Variants in DIS3L2 observed in about 807,000 individuals in gnomAD.
DIS3L2 encodes the protein DIS3 like 3'-5' exoribonuclease 2.
DIS3L2 carries 34 observed loss-of-function variants against 97.5 expected under a neutral mutation model. The ratio of observed to expected loss-of-function variants is 0.35; its 90% confidence interval spans 0.27 to 0.46. The LOEUF (loss-of-function observed/expected upper bound fraction) is 0.46, where lower values mean the gene tolerates loss of function less well. Ranked by LOEUF, DIS3L2 falls within the 20% of genes least tolerant of loss-of-function variation. The pLI is 1.00. For synonymous variants in DIS3L2, 435 were observed against 445.2 expected (o/e 0.98, Z 0.29); for missense variants, 1,038 against 1,146.0 (o/e 0.91, Z 1.36).
At chr2:232,203,580 A>G (rs867779194) in intron 9 of DIS3L2, among the ~76,000 whole-genome samples, 1 of 152,192 alleles carries the variant, frequency 6.6e-6, no homozygotes, top group Non-Finnish European at 1.5e-5. Flanking sequence ...TATTCATTAC[A>G]TATGTGCCTT....
chr2:231,999,833 T>TA (rs1220157705), intron 1 of DIS3L2, among the ~76,000 whole-genome samples: 2 of 152,192 alleles, frequency 1.3e-5, no homozygotes, highest in African/African-American at 4.8e-5. Flanking sequence ...AGCAAAAAAT[T>TA]ACATATTTTT....
chr2:232,034,762 A>T (rs1440821687), intron 5 of DIS3L2, among the ~76,000 whole-genome samples: 1 of 152,140 alleles, frequency 6.6e-6, no homozygotes, highest in African/African-American at 2.4e-5. Flanking sequence ...TTCAGTTTCC[A>T]TGTAGTTGTG....
At chr2:232,329,787 C>CCGGGGGCCA in intron 14 of DIS3L2, 26 bp from the exon 15 acceptor site, 2 of 1,062,208 alleles carry the variant, frequency 1.9e-6, no homozygotes, top group Non-Finnish European at 2.6e-6. Flanking sequence ...CCCAGCGGTC[C>CCGGGGGCCA]CTCCCATCCC....
rs16828636 is a variant in DIS3L2, at chr2:232,136,409, C to T, written c.703-63C>T. On this transcript the variant is annotated intron_variant, in intron 7 of 20. Transcript: ENST00000325385. Reference sequence around the variant, plus strand: ...GTTGATCAAATTATAACCTGCTGACCTCTCCCAAGTGTAATTCAGTTCTGC... The same window carrying T: ...GTTGATCAAATTATAACCTGCTGACTTCTCCCAAGTGTAATTCAGTTCTGC... 5,594 of 1,583,948 alleles carry T rather than the reference C, an allele frequency of 3.5e-3. 165 individuals carry two copies. The African/African-American group carries it at 0.065, about 18-fold the overall frequency.
chr2:232,249,814 G>A (rs767087445), intron 12 of DIS3L2, among the ~76,000 whole-genome samples: 2 of 152,204 alleles, frequency 1.3e-5, no homozygotes, highest in African/African-American at 4.8e-5. Flanking sequence ...CCTCTGAAGT[G>A]TCATGAGAAA....
In DIS3L2 at chr2:232,248,890, A is replaced by G. The variant is rs76648839; in HGVS notation, c.1318-349A>G. Among the ~76,000 whole-genome samples, 11,236 of 152,292 alleles carry G rather than the reference A, an allele frequency of 0.074. 486 individuals carry two copies. Among genetic ancestry groups the G allele is most frequent in the African/African-American group, 0.12 (4,941 of 41,544 alleles). ...ACTCAACCCTTGGGCTCTTAAGTAT[A>G]TGTATAATTCAACTGGAGTGCTTAT... On this transcript the variant is annotated intron_variant, in intron 11 of 20. Coordinates refer to ENST00000325385, the MANE Select transcript of DIS3L2 (RefSeq NM_152383.5).
intron 9 of DIS3L2, among the ~76,000 whole-genome samples, chr2:232,208,286 C>G (rs936208525): frequency 1.3e-5 from 2 of 151,972 alleles, no homozygotes; most frequent in African/African-American, 4.8e-5. Flanking sequence ...CTCTCCTCTT[C>G]TTATCCCCTC....
At chr2:232,306,713 G>A (rs1694993197) in intron 14 of DIS3L2, among the ~76,000 whole-genome samples, 1 of 152,188 alleles carries the variant, frequency 6.6e-6, no homozygotes, top group Non-Finnish European at 1.5e-5. Context: ...TGGGGCCACA[G>A]AGCTGAATAA....
intron 11 of DIS3L2, among the ~76,000 whole-genome samples, chr2:232,242,264 G>A (rs976094561): frequency 1.3e-5 from 2 of 152,154 alleles, no homozygotes; most frequent in Non-Finnish European, 2.9e-5. Flanking sequence ...TTAAAACCTC[G>A]AAGTCCTCGG....
chr2:232,134,601 G>T (rs1698307605), intron 7 of DIS3L2, among the ~76,000 whole-genome samples: 1 of 152,200 alleles, frequency 6.6e-6, no homozygotes, highest in Non-Finnish European at 1.5e-5. Flanking sequence ...AAGGCGGGCA[G>T]ATCTCTTAAG....
At chr2:232,254,318 A>T (rs772295804) in intron 12 of DIS3L2, among the ~76,000 whole-genome samples, 15 of 152,106 alleles carry the variant, frequency 9.9e-5, no homozygotes, top group Non-Finnish European at 1.9e-4. Flanking sequence ...TGAAAACAGA[A>T]GGAATTATGA....
chr2:232,206,511 G>T (rs936669471), intron 9 of DIS3L2, among the ~76,000 whole-genome samples: 9 of 152,136 alleles, frequency 5.9e-5, no homozygotes, highest in African/African-American at 2.2e-4. Context: ...TCATTTTTGT[G>T]TCACAAAATA....
At chr2:232,156,314 C>T (rs1281501619) in intron 8 of DIS3L2, among the ~76,000 whole-genome samples, 2 of 152,154 alleles carry the variant, frequency 1.3e-5, no homozygotes, top group African/African-American at 4.8e-5. Context: ...TGTTTCCTTT[C>T]ATGACTTACT....
intron 1 of DIS3L2, among the ~76,000 whole-genome samples, chr2:231,982,400 A>G (rs181147838): frequency 6.6e-6 from 1 of 152,242 alleles, no homozygotes; most frequent in African/African-American, 2.4e-5. Context: ...ATTTGTCTTT[A>G]CATTTGTTTA....
exon 14 of DIS3L2, chr2:232,343,976 GA>G: frequency 6.0e-6 from 1 of 165,322 alleles, no homozygotes. Context: ...AACAAAAAAT[GA>G]AAAGGGAAAG....
At chr2:232,313,182 G>T (rs1695181133) in intron 14 of DIS3L2, among the ~76,000 whole-genome samples, 1 of 152,070 alleles carries the variant, frequency 6.6e-6, no homozygotes, top group Non-Finnish European at 1.5e-5. Flanking sequence ...AAACAGAAGA[G>T]TTTTTACCAC....
chr2:232,138,202 T>C (rs1214280756), intron 8 of DIS3L2, among the ~76,000 whole-genome samples: 1 of 152,196 alleles, frequency 6.6e-6, no homozygotes, highest in African/African-American at 2.4e-5. Flanking sequence ...TTTATTTTTT[T>C]TATAGCTGAG....
intron 1 of DIS3L2, among the ~76,000 whole-genome samples, chr2:231,967,751 A>G (rs1692763351): frequency 6.6e-6 from 1 of 152,198 alleles, no homozygotes; most frequent in African/African-American, 2.4e-5. Context: ...GTCTTTTATA[A>G]TAGTTTGCAA....
chr2:231,993,212 T>C (rs1318611157), intron 1 of DIS3L2, among the ~76,000 whole-genome samples: 2 of 152,110 alleles, frequency 1.3e-5, no homozygotes, highest in African/African-American at 4.8e-5. Context: ...CATCCAATTA[T>C]GTAAGCTAGA....
Sources: gnomAD v4.1 joint callset for allele counts (sites outside exome capture counted in the v4.1 genomes callset) on GRCh38, gnomAD v4.1.1 for gene constraint, MANE v1.5 for transcripts, NCBI Gene and HGNC (gene_info 2026-07-23, HGNC 2026-07-21) for gene names.